Variants in CLEC16A observed in about 807,000 individuals in gnomAD.
CLEC16A encodes the protein C-type lectin domain containing 16A, also known as protein CLEC16A.
A neutral mutation model predicts 109.5 loss-of-function variants in CLEC16A; 51 were observed. That is an observed-to-expected ratio of 0.47 (90% CI 0.37 to 0.59). The LOEUF (loss-of-function observed/expected upper bound fraction) is 0.59. Among genes scored for constraint, CLEC16A ranks in the 20% least tolerant of loss-of-function variants. The pLI is 0.00. For missense variants in CLEC16A, 1,339 were observed against 1,394.0 expected, an observed-to-expected ratio of 0.96 and a Z score of 0.63; for synonymous variants, 673 against 564.2, an observed-to-expected ratio of 1.19 and a Z score of -2.73.
chr16:11,125,623 G>A (rs545148884), intron 21 of CLEC16A, among the ~76,000 whole-genome samples: 9 of 152,318 alleles, frequency 5.9e-5, no homozygotes, highest in South Asian at 2.1e-4. Context: ...GGCCCCACTC[G>A]CTTGGGGTCT....
chr16:11,113,611 A>C (rs1388036973), intron 19 of CLEC16A, among the ~76,000 whole-genome samples: 2 of 152,130 alleles, frequency 1.3e-5, no homozygotes, highest in African/African-American at 4.8e-5. Context: ...GTAAGCCATG[A>C]TCGCTCCCCT....
chr16:11,112,819 G>A (rs1228863290), intron 19 of CLEC16A, among the ~76,000 whole-genome samples: 1 of 152,202 alleles, frequency 6.6e-6, no homozygotes, highest in Non-Finnish European at 1.5e-5. Context: ...ATACCTTCAG[G>A]GTCCTGGGTA....
chr16:11,070,055 C>G (rs181361247), intron 19 of CLEC16A, among the ~76,000 whole-genome samples: 2 of 146,048 alleles, frequency 1.4e-5, no homozygotes, highest in Admixed American at 1.4e-4. Context: ...TCTCCCAGCA[C>G]CTTGTTTGAA....
At chr16:11,072,373 C>T (rs565087823) in intron 19 of CLEC16A, among the ~76,000 whole-genome samples, 7 of 152,336 alleles carry the variant, frequency 4.6e-5, no homozygotes, top group African/African-American at 1.7e-4. Context: ...CCTGCTTCGG[C>T]TTCCCAATGT....
At chr16:11,027,189 C>G (rs2046456207) in intron 13 of CLEC16A, 5 of 1,379,268 alleles carry the variant, frequency 3.6e-6, no homozygotes, top group Admixed American at 1.7e-5. Context: ...GGAATCATTC[C>G]TACATGATTA....
chr16:10,988,022 C>A (rs1274157549), intron 10 of CLEC16A, among the ~76,000 whole-genome samples: 1 of 152,232 alleles, frequency 6.6e-6, no homozygotes, highest in Non-Finnish European at 1.5e-5. Context: ...TGAAATTCAT[C>A]TGTGCGTTAA....
chr16:11,039,785 G>C lies in CLEC16A; in HGVS notation c.1569G>C (p.Gln523His), dbSNP rs61740101. 6.2e-7 allele frequency: 1 copy of C among 1,606,316 alleles called. No homozygotes were observed. Among genetic ancestry groups the C allele is most frequent in the African/African-American group, 1.3e-5 (1 of 74,664 alleles). ...ATCCTGAAAAATTAGAGCGAATCCA[G>C]CTCCCCGTGCCAAATGCGGCCGAGA... Reference protein sequence around the residue: ...GMDPEKLERIQLPVPNAAEKT... With the variant: ...GMDPEKLERIHLPVPNAAEKT... The change falls in exon 14 of 24, where the codon CAG becomes CAC. Residue 523 changes from glutamine (Q) to histidine (H), a missense_variant. By Grantham distance (24) the Gln-to-His change is conservative (BLOSUM62 0). This residue lies in a region of CLEC16A where 1,061 missense variants were observed against 1,006.8 expected (regional missense o/e 1.05). Transcript: ENST00000409790.
chr16:11,055,385 A>C (rs1196832113), intron 18 of CLEC16A, among the ~76,000 whole-genome samples: 1 of 151,970 alleles, frequency 6.6e-6, no homozygotes, highest in African/African-American at 2.4e-5. Flanking sequence ...AGGAAGGTTA[A>C]AGTGATAAAG....
rs5815604 is a variant in CLEC16A at position 10,961,968 on chromosome 16, C to CTTTTTTTTTTTTTTTTTTTTTT, written c.210-473_210-472insTTTTTTTTTTTTTTTTTTTTTT. 7.4e-6 allele frequency among the ~76,000 whole-genome samples: 1 copy of CTTTTTTTTTTTTTTTTTTTTTT among 135,346 alleles called. No homozygotes were observed. Among genetic ancestry groups the CTTTTTTTTTTTTTTTTTTTTTT allele is most frequent in the Non-Finnish European group, 1.6e-5 (1 of 63,806 alleles). 88.8% of individuals were successfully genotyped at this position (135,346 alleles called of 152,430 possible). A position where few individuals can be genotyped will look rare whatever the true frequency, so the allele number is the denominator to read the frequency against. The stretch of plus-strand genomic sequence containing the variant: ...TTGGGAACTTTTTTTTCTTTTTTTT[C>CTTTTTTTTTTTTTTTTTTTTTT]TTTTTTTTTTTTTTGGCTCTGTCAC... On this transcript the variant is annotated intron_variant, in intron 2 of 23. Transcript: ENST00000409790. The surrounding 1 kb of genome is among the most constrained non-coding windows in gnomAD (Gnocchi z 4.3).
intron 11 of CLEC16A, among the ~76,000 whole-genome samples, chr16:11,012,974 A>G (rs1047038123): frequency 6.6e-6 from 1 of 152,022 alleles, no homozygotes; most frequent in African/African-American, 2.4e-5. Flanking sequence ...GTGGGAGCCA[A>G]CTCTGGACAG....
intron 10 of CLEC16A, among the ~76,000 whole-genome samples, chr16:10,997,004 C>T (rs1249870002): frequency 6.6e-6 from 1 of 152,226 alleles, no homozygotes; most frequent in African/African-American, 2.4e-5. Flanking sequence ...CTGTGTCACC[C>T]AGGCTGGAGT....
At chr16:10,958,740 C>T (rs981028364) in intron 2 of CLEC16A, among the ~76,000 whole-genome samples, 9 of 151,994 alleles carry the variant, frequency 5.9e-5, no homozygotes, top group Admixed American at 3.3e-4. Context: ...CTCGTCTCTA[C>T]GTATAATTAA....
intron 19 of CLEC16A, among the ~76,000 whole-genome samples, chr16:11,077,948 T>C (rs2049476155): frequency 6.7e-6 from 1 of 148,908 alleles, no homozygotes; most frequent in Non-Finnish European, 1.5e-5. Context: ...TGAAACTCCA[T>C]CTCTACAAAA....
intron 4 of CLEC16A, 94 bp from the exon 5 acceptor site, chr16:10,971,031 T>C (rs1172111739): frequency 1.0e-5 from 7 of 675,372 alleles, no homozygotes; most frequent in Non-Finnish European, 1.7e-5. Context: ...TTTTTGTCTT[T>C]TTCTGAAGTC....
At position 11,111,546 on chromosome 16, in the gene CLEC16A, C is replaced by A. The variant is rs186901393; in HGVS notation, c.2117-9069C>A. ...CCCCACCACTTGATGGGAGGAGAGT[C>A]AAAGTCACACTATGAGAAGAACATG... On this transcript the variant is annotated intron_variant, in intron 19 of 23. Coordinates refer to ENST00000409790, the MANE Select transcript of CLEC16A (RefSeq NM_015226.3). Among the ~76,000 whole-genome samples the A allele has an allele frequency of 2.2e-4, 33 of 152,322 alleles. No homozygotes were observed. In the East Asian group the frequency reaches 6.0e-3, roughly 28 times the overall value.
intron 22 of CLEC16A, among the ~76,000 whole-genome samples, chr16:11,135,129 C>T (rs2053481107): frequency 6.6e-6 from 1 of 152,214 alleles, no homozygotes; most frequent in African/African-American, 2.4e-5. Context: ...AGGATTTGAG[C>T]CCCTTTCAAA....
intron 16 of CLEC16A, 88 bp downstream of exon 16, chr16:11,044,160 T>C: frequency 8.8e-7 from 1 of 1,142,766 alleles, no homozygotes; most frequent in Middle Eastern, 2.1e-4. Context: ...ATAAACGTTA[T>C]ATGTCTTCAG....
intron 11 of CLEC16A, among the ~76,000 whole-genome samples, chr16:11,011,800 C>G (rs1431087515): frequency 6.6e-6 from 1 of 151,990 alleles, no homozygotes; most frequent in East Asian, 1.9e-4. Context: ...ATGTTCATAC[C>G]AGTACCCCCA....
chr16:11,084,789 C>T (rs2075207190), intron 19 of CLEC16A, among the ~76,000 whole-genome samples: 1 of 152,180 alleles, frequency 6.6e-6, no homozygotes, highest in Non-Finnish European at 1.5e-5. Flanking sequence ...CTTCCATTCC[C>T]CTGAAAAAGC....
Sources: gnomAD v4.1 joint callset for allele counts (sites outside exome capture counted in the v4.1 genomes callset) on GRCh38, gnomAD v4.1.1 for gene constraint, gnomAD v4.1.1 regional missense constraint, Gnocchi (gnomAD v3.1) non-coding constraint, MANE v1.5 for transcripts, NCBI Gene and HGNC (gene_info 2026-07-23, HGNC 2026-07-21) for gene names.